Variants in DPY19L2 observed in about 807,000 individuals in gnomAD.
The protein encoded by DPY19L2 is dpy-19 like 2.
A neutral mutation model predicts 97.9 loss-of-function variants in DPY19L2; 34 were observed. The observed-to-expected ratio is 0.35, with a 90% CI of 0.26 to 0.46. The LOEUF (loss-of-function observed/expected upper bound fraction) is 0.46, where lower values mean the gene tolerates loss of function less well. Ranked by LOEUF, DPY19L2 falls within the 20% of genes least tolerant of loss-of-function variation. The pLI is 1.00. For synonymous variants in DPY19L2, 230 were observed against 307.9 expected, an observed-to-expected ratio of 0.75 and a Z score of 2.65; for missense variants, 623 against 911.4, an observed-to-expected ratio of 0.68 and a Z score of 4.07.
intron 2 of DPY19L2, among the ~76,000 whole-genome samples, chr12:63,665,482 A>AG (rs1565866632): frequency 6.6e-6 from 1 of 152,076 alleles, no homozygotes; most frequent in Non-Finnish European, 1.5e-5. Context: ...CAAAAAAAAA[A>AG]AAAAAGTTAT....
chr12:63,641,131 C>T (rs1565824907), intron 6 of DPY19L2, among the ~76,000 whole-genome samples: 1 of 152,038 alleles, frequency 6.6e-6, no homozygotes, highest in Non-Finnish European at 1.5e-5. Flanking sequence ...GTCTCGATCT[C>T]CTGACCTCAT....
intron 6 of DPY19L2, among the ~76,000 whole-genome samples, chr12:63,628,854 C>A (rs1890069048): frequency 6.6e-6 from 1 of 151,028 alleles, no homozygotes; most frequent in Non-Finnish European, 1.5e-5. Flanking sequence ...GCCGGGTACT[C>A]CTCTGAGACA....
At chr12:63,634,386 C>G (rs1483845395) in intron 6 of DPY19L2, among the ~76,000 whole-genome samples, 3 of 152,062 alleles carry the variant, frequency 2.0e-5, no homozygotes, top group African/African-American at 7.2e-5. Flanking sequence ...ACGAGCGACA[C>G]AGAAGACGGG....
At chr12:63,573,510 C>T (rs1185534130) in intron 19 of DPY19L2, among the ~76,000 whole-genome samples, 1 of 151,958 alleles carries the variant, frequency 6.6e-6, no homozygotes, top group Non-Finnish European at 1.5e-5. Context: ...TAGAGAGAGA[C>T]AGCAGTAGGA....
At chr12:63,588,618 T>A (rs1200545104) in intron 16 of DPY19L2, among the ~76,000 whole-genome samples, 8 of 152,134 alleles carry the variant, frequency 5.3e-5, no homozygotes. Context: ...AAGCCATTTT[T>A]AAAAAATTTA....
At chr12:63,633,383 C>T (rs186147637) in intron 6 of DPY19L2, among the ~76,000 whole-genome samples, 2 of 152,036 alleles carry the variant, frequency 1.3e-5, no homozygotes, top group Non-Finnish European at 2.9e-5. Context: ...AACAAACAAC[C>T]CCATCAAAAA....
At chr12:63,591,716 T>G (rs1210556515) in intron 16 of DPY19L2, among the ~76,000 whole-genome samples, 2 of 151,346 alleles carry the variant, frequency 1.3e-5, no homozygotes, top group African/African-American at 4.9e-5. Flanking sequence ...TTATACCCCC[T>G]CTGAAAGTTA....
At chr12:63,593,159 T>G (rs1242654365) in intron 16 of DPY19L2, among the ~76,000 whole-genome samples, 4 of 152,032 alleles carry the variant, frequency 2.6e-5, no homozygotes, top group East Asian at 1.9e-4. Context: ...GGAGAGGATG[T>G]GGAGAAATAG....
At chr12:63,664,936 G>A (rs1896146760) in intron 2 of DPY19L2, among the ~76,000 whole-genome samples, 1 of 152,116 alleles carries the variant, frequency 6.6e-6, no homozygotes, top group Admixed American at 6.5e-5. Context: ...TGTGTCAATA[G>A]AACACAGGGG....
intron 16 of DPY19L2, among the ~76,000 whole-genome samples, chr12:63,587,557 A>AATAATTATTATTATTATT (rs1555185972): frequency 2.2e-5 from 3 of 136,228 alleles, no homozygotes; most frequent in Non-Finnish European, 4.7e-5. Context: ...CATTTTTAAA[A>AATAATTATTATTATTATT]ATTATTATTA....
intron 19 of DPY19L2, among the ~76,000 whole-genome samples, chr12:63,572,336 C>T (rs1879023310): frequency 6.6e-6 from 1 of 152,066 alleles, no homozygotes; most frequent in Admixed American, 6.5e-5. Flanking sequence ...GACCCCTCTG[C>T]CTGGGGAAAG....
At chr12:63,582,591 T>A (rs949224820) in intron 17 of DPY19L2, 66 bp from the exon 18 acceptor site, 1 of 1,478,804 alleles carries the variant, frequency 6.8e-7, no homozygotes, top group Non-Finnish European at 9.1e-7. Flanking sequence ...ATGAAGTATA[T>A]TAAAACTATA....
At chr12:63,599,309 A>G (rs1205211447) in intron 13 of DPY19L2, among the ~76,000 whole-genome samples, 2 of 152,152 alleles carry the variant, frequency 1.3e-5, no homozygotes, top group East Asian at 1.9e-4. Flanking sequence ...AAAGTTTATC[A>G]TAAGACATAT....
rs1876195446 is a variant in DPY19L2, at chr12:63,560,119, G to A, written c.*393C>T. 1 of 161,038 alleles carries A rather than the reference G, an allele frequency of 6.2e-6. No homozygotes were observed. Among genetic ancestry groups the A allele is most frequent in the East Asian group, 1.8e-4 (1 of 5,578 alleles). 10.0% of individuals were successfully genotyped at this position (161,038 alleles called of 1,614,324 possible). On this transcript the variant is annotated 3_prime_UTR_variant, in exon 22 of 22. Coordinates refer to ENST00000324472, the MANE Select transcript of DPY19L2 (RefSeq NM_173812.5). ...CAGAGCTTGCATTCTTCTGCCTTAAGTGGTTCAAAGAGTTTGAGGAGGTAC... is the reference window on the plus strand; with the variant it reads ...CAGAGCTTGCATTCTTCTGCCTTAAATGGTTCAAAGAGTTTGAGGAGGTAC...
chr12:63,665,237 C>A (rs1428213891), intron 2 of DPY19L2, among the ~76,000 whole-genome samples: 1 of 151,924 alleles, frequency 6.6e-6, no homozygotes, highest in Non-Finnish European at 1.5e-5. Flanking sequence ...TTTGGGAGGC[C>A]GAGGCAGGTG....
chr12:63,633,347 G>A (rs1891056995), intron 6 of DPY19L2, among the ~76,000 whole-genome samples: 1 of 151,992 alleles, frequency 6.6e-6, no homozygotes, highest in African/African-American at 2.4e-5. Context: ...AATCTACAAT[G>A]AACTCAAACA....
chr12:63,634,755 G>A (rs1407406680), intron 6 of DPY19L2, among the ~76,000 whole-genome samples: 4 of 152,156 alleles, frequency 2.6e-5, no homozygotes, highest in African/African-American at 7.2e-5. Context: ...CCATTACTGA[G>A]GCTTGAGTAG....
chr12:63,591,526 T>G (rs1429393972), intron 16 of DPY19L2, among the ~76,000 whole-genome samples: 2 of 152,126 alleles, frequency 1.3e-5, no homozygotes, highest in Non-Finnish European at 2.9e-5. Context: ...AAGGAAATTT[T>G]CTTCACAATT....
At position 63,587,607 on chromosome 12, in the gene DPY19L2, G is replaced by A. The variant is rs566660953; in HGVS notation, c.1581-3771C>T. On this transcript the variant is annotated intron_variant, in intron 16 of 21. Transcript: ENST00000324472. ...ATTATTATTATTGAGACAGAGCCTCGCACTGTTGCCAGGCTGGAGTGCAGT... is the reference window on the plus strand; with the variant it reads ...ATTATTATTATTGAGACAGAGCCTCACACTGTTGCCAGGCTGGAGTGCAGT... Among the ~76,000 whole-genome samples, 255 of 116,904 alleles carry A rather than the reference G, an allele frequency of 2.2e-3. 1 individual carries two copies. Among genetic ancestry groups the A allele is most frequent in the African/African-American group, 8.5e-3 (246 of 28,952 alleles). 76.7% of individuals were successfully genotyped at this position (116,904 alleles called of 152,430 possible). A position where few individuals can be genotyped will look rare whatever the true frequency, so the allele number is the denominator to read the frequency against.
Sources: allele counts gnomAD v4.1 joint callset (sites outside exome capture counted in the v4.1 genomes callset), GRCh38; gene constraint gnomAD v4.1.1; transcripts MANE v1.5; gene names NCBI Gene and HGNC (gene_info 2026-07-23, HGNC 2026-07-21).